FBXL2: variants seen among roughly 807,000 people sequenced by gnomAD.
The protein encoded by FBXL2 is F-box/LRR-repeat protein 2.
In FBXL2, 38 loss-of-function variants were observed where a neutral mutation model predicts 69.2. The observed-to-expected ratio is 0.55, with a 90% CI of 0.42 to 0.72. The LOEUF (loss-of-function observed/expected upper bound fraction) is 0.72, where lower values mean the gene tolerates loss of function less well. FBXL2 is among the 30% of genes least tolerant of loss of function. The pLI, the probability that FBXL2 is intolerant of heterozygous loss-of-function variation, is 0.00. For missense variants in FBXL2, 354 were observed against 520.3 expected (o/e 0.68, Z 3.11); for synonymous variants, 192 against 201.3 (o/e 0.95, Z 0.39).
intron 2 of FBXL2, among the ~76,000 whole-genome samples, chr3:33,350,183 A>G (rs2040732348): frequency 6.6e-6 from 1 of 152,234 alleles, no homozygotes; most frequent in African/African-American, 2.4e-5. Flanking sequence ...TGTATAAAAT[A>G]ATTATATCCC....
intron 2 of FBXL2, among the ~76,000 whole-genome samples, chr3:33,314,864 C>T (rs2037534348): frequency 6.6e-6 from 1 of 152,160 alleles, no homozygotes; most frequent in Non-Finnish European, 1.5e-5. Context: ...GTATAATTTT[C>T]CTTGAAGTGA....
chr3:33,395,530 C>T (rs1368469009), intron 12 of FBXL2, among the ~76,000 whole-genome samples: 3 of 151,834 alleles, frequency 2.0e-5, no homozygotes, highest in Non-Finnish European at 4.4e-5. Flanking sequence ...CTATACCGTA[C>T]AATTAAATGC....
chr3:33,406,292 C>G (rs1438984219), downstream of FBXL2, among the ~76,000 whole-genome samples: 1 of 152,156 alleles, frequency 6.6e-6, no homozygotes, highest in Non-Finnish European at 1.5e-5. Context: ...TTTCTTTCCA[C>G]CTTACAAAGT....
chr3:33,375,216 T>A, intron 9 of FBXL2, 72 bp from the exon 10 acceptor site: 1 of 1,568,064 alleles, frequency 6.4e-7, no homozygotes, highest in Non-Finnish European at 8.7e-7. Context: ...CAACAGCAGA[T>A]ACTTTTCTGC....
intron 2 of FBXL2, chr3:33,317,612 G>T (rs950027838): frequency 2.3e-6 from 1 of 435,906 alleles, no homozygotes. Context: ...CTAGCAGTAG[G>T]GGTATGTTTC....
At chr3:33,307,876 A>G (rs1205066350) in intron 2 of FBXL2, among the ~76,000 whole-genome samples, 3 of 152,200 alleles carry the variant, frequency 2.0e-5, no homozygotes, top group Non-Finnish European at 2.9e-5. Flanking sequence ...AGGTGACCAC[A>G]TAGATTTTTT....
intron 12 of FBXL2, chr3:33,397,138 A>G (rs1280121100): frequency 6.4e-7 from 1 of 1,573,672 alleles, no homozygotes; most frequent in South Asian, 1.2e-5. Flanking sequence ...GTCGGCACCT[A>G]GAGAAGAGCA....
chr3:33,378,205 G>A, intron 12 of FBXL2, 58 bp downstream of exon 12: 1 of 1,513,708 alleles, frequency 6.6e-7, no homozygotes, highest in African/African-American at 1.4e-5. Context: ...TTGCTGGCCA[G>A]TGCAGCACAG....
intron 2 of FBXL2, among the ~76,000 whole-genome samples, chr3:33,344,831 A>G (rs1370085603): frequency 6.6e-6 from 1 of 152,224 alleles, no homozygotes; most frequent in African/African-American, 2.4e-5. Flanking sequence ...AAGAAAAGAA[A>G]GAAGGCACAA....
chr3:33,399,393 G>A (rs773211744), intron 12 of FBXL2, among the ~76,000 whole-genome samples: 4 of 151,966 alleles, frequency 2.6e-5, no homozygotes, highest in African/African-American at 4.8e-5. Context: ...CATTCCCTTA[G>A]CTTACTGTGC....
chr3:33,324,294 C>T (rs111994038), intron 2 of FBXL2, among the ~76,000 whole-genome samples: 3,961 of 152,212 alleles, frequency 0.026, 80 homozygotes, highest in Admixed American at 0.058. Context: ...TGTGCAGAAG[C>T]TTTTTAGTTT....
chr3:33,297,634 T>C, intron 1 of FBXL2, 30 bp from the exon 2 acceptor site: 3 of 1,397,754 alleles, frequency 2.1e-6, no homozygotes, highest in Non-Finnish European at 3.0e-6. Context: ...AAGAACATTT[T>C]CACAATTTCC....
At chr3:33,422,328 C>T in the FBXL2 span, among the ~76,000 whole-genome samples, 1 of 152,014 alleles carries the variant, frequency 6.6e-6, no homozygotes, top group Non-Finnish European at 1.5e-5. Context: ...ACTGCTTGAG[C>T]CCAGGAGTAC....
chr3:33,300,463 G>A (rs1398433596), intron 2 of FBXL2: 1 of 152,158 alleles, frequency 6.6e-6, no homozygotes, highest in East Asian at 1.9e-4. Flanking sequence ...ATTGCCATTT[G>A]TGAGCAAATG....
intron 2 of FBXL2, among the ~76,000 whole-genome samples, chr3:33,322,315 T>A (rs1266400605): frequency 1.3e-5 from 2 of 152,012 alleles, no homozygotes; most frequent in Non-Finnish European, 2.9e-5. Context: ...CCTGATCTCG[T>A]GATCTGCCCA....
chr3:33,415,816 A>C, the FBXL2 span, among the ~76,000 whole-genome samples: 2 of 152,098 alleles, frequency 1.3e-5, no homozygotes, highest in Non-Finnish European at 2.9e-5. Context: ...CACATTGCTG[A>C]ATATGTTCTG....
chr3:33,364,470 T>C (rs1404066246), intron 4 of FBXL2, 155 bp from the exon 5 acceptor site: 1 of 680,544 alleles, frequency 1.5e-6, no homozygotes, highest in African/African-American at 1.8e-5. Flanking sequence ...CCTGTATGCA[T>C]TAAGGATAGA....
chr3:33,299,975 G>A (rs1022195720), intron 2 of FBXL2, among the ~76,000 whole-genome samples: 23 of 152,304 alleles, frequency 1.5e-4, no homozygotes, highest in Admixed American at 9.8e-4. Context: ...ATTGACTACA[G>A]TGTAGATGGT....
In FBXL2 at chr3:33,304,758, A is replaced by G. The variant is rs182467386; in HGVS notation, c.65+7033A>G. Among the ~76,000 whole-genome samples the G allele has an allele frequency of 2.6e-5, 4 of 152,152 alleles. No homozygotes were observed. The East Asian group carries it at 7.7e-4, about 29-fold the overall frequency. ...AGAGGTCTTACCAGTTTATGTTCAT[A>G]CAAAGAGTGGATAAGAGATTCAGTG... is the stretch of plus-strand genomic sequence containing the variant. On this transcript the variant is annotated intron_variant, in intron 2 of 14. Transcript: ENST00000484457.
Sources: allele counts gnomAD v4.1 joint callset (sites outside exome capture counted in the v4.1 genomes callset), GRCh38; gene constraint gnomAD v4.1.1; transcripts MANE v1.5; gene names NCBI Gene and HGNC (gene_info 2026-07-23, HGNC 2026-07-21).